The following TMPRSS9 variants were observed in gnomAD, a reference collection of about 807,000 sequenced individuals.
TMPRSS9 encodes the protein transmembrane serine protease 9, also known as transmembrane protease serine 9.
In TMPRSS9, 113 loss-of-function variants were observed where a neutral mutation model predicts 111.4. That is an observed-to-expected ratio of 1.01 (90% CI 0.87 to 1.19). The LOEUF is 1.19. TMPRSS9 is among the 50% of genes most tolerant of loss of function. The pLI is 0.00. For synonymous variants in TMPRSS9, 805 were observed against 659.1 expected, an observed-to-expected ratio of 1.22 and a Z score of -3.39; for missense variants, 1,803 against 1,513.1, an observed-to-expected ratio of 1.19 and a Z score of -3.18.
chr19:2,411,117 T>C (rs527900040), intron 9 of TMPRSS9, among the ~76,000 whole-genome samples: 33 of 151,664 alleles, frequency 2.2e-4, no homozygotes, highest in African/African-American at 7.0e-4. Context: ...CTGAGCAACA[T>C]GGCGAAACCT....
chr19:2,421,454 A>G (rs1971460992), intron 13 of TMPRSS9, among the ~76,000 whole-genome samples: 1 of 150,780 alleles, frequency 6.6e-6, no homozygotes, highest in African/African-American at 2.4e-5. Flanking sequence ...ACGCCCAGCT[A>G]ATTTTTGTAT....
chr19:2,401,872 T>C, intron 4 of TMPRSS9, 103 bp from the exon 6 acceptor site: 1 of 857,874 alleles, frequency 1.2e-6, no homozygotes, highest in African/African-American at 1.8e-5. Context: ...CCTCCCAAAG[T>C]GCTGGGATTA....
intron 2 of TMPRSS9, among the ~76,000 whole-genome samples, chr19:2,397,544 A>G (rs760505131): frequency 2.0e-5 from 3 of 152,114 alleles, no homozygotes; most frequent in Non-Finnish European, 2.9e-5. Context: ...AGCGAATTAT[A>G]TTTTAATGAA....
Position 2,419,769 on chromosome 19 carries a change from A to G in TMPRSS9, c.2154+1631A>G, listed in dbSNP as rs567956200. On this transcript the variant is annotated intron_variant, in intron 13 of 17. Transcript: ENST00000648592. ...TGACCTCAGGTGATCCGCCCGCCTC[A>G]GCCTCCCAAACTGCTAGGATGGCAG... Among the ~76,000 whole-genome samples the G allele has an allele frequency of 2.1e-3, 323 of 152,044 alleles. 1 individual carries two copies. Among genetic ancestry groups the G allele is most frequent in the African/African-American group, 7.5e-3 (312 of 41,474 alleles).
At chr19:2,380,412 A>G (rs1970377049) in intron 1 of TMPRSS9, among the ~76,000 whole-genome samples, 1 of 151,906 alleles carries the variant, frequency 6.6e-6, no homozygotes, top group Non-Finnish European at 1.5e-5. Flanking sequence ...CCTGGCCAAC[A>G]TGGCAAAACC....
At chr19:2,420,340 G>A (rs1002594738) in intron 13 of TMPRSS9, among the ~76,000 whole-genome samples, 4 of 151,558 alleles carry the variant, frequency 2.6e-5, no homozygotes, top group Admixed American at 2.6e-4. Flanking sequence ...TACTCCGGAG[G>A]CTGAGGCAGG....
At chr19:2,413,266 A>G (rs1373874349) in intron 9 of TMPRSS9, among the ~76,000 whole-genome samples, 1 of 152,136 alleles carries the variant, frequency 6.6e-6, no homozygotes, top group East Asian at 1.9e-4. Flanking sequence ...GGGAAGGTAA[A>G]AAATGGTGAG....
At chr19:2,361,750 G>A (rs77246800) in intron 1 of TMPRSS9, among the ~76,000 whole-genome samples, 20,623 of 152,224 alleles carry the variant, frequency 0.14, 1,679 homozygotes, top group African/African-American at 0.22. Flanking sequence ...ACCAGGCCTC[G>A]GACCCAGGCA....
At chr19:2,411,488 C>T (rs1222972564) in intron 9 of TMPRSS9, among the ~76,000 whole-genome samples, 1 of 147,950 alleles carries the variant, frequency 6.8e-6, no homozygotes, top group Non-Finnish European at 1.5e-5. Context: ...ACCTCCGCCT[C>T]CCAGGTTCAA....
At chr19:2,372,215 T>C (rs4807243) in intron 1 of TMPRSS9, among the ~76,000 whole-genome samples, 26,813 of 152,004 alleles carry the variant, frequency 0.18, 3,537 homozygotes, top group African/African-American at 0.36. Flanking sequence ...CCACGTCCAT[T>C]CTTCTCGAAG....
chr19:2,417,197 G>A (rs1292087094), intron 12 of TMPRSS9, among the ~76,000 whole-genome samples: 1 of 152,176 alleles, frequency 6.6e-6, no homozygotes, highest in Non-Finnish European at 1.5e-5. Flanking sequence ...CACATGTGGT[G>A]GCTCACACCT....
intron 11 of TMPRSS9, 46 bp from the exon 13 acceptor site, chr19:2,416,492 G>A: frequency 6.4e-7 from 1 of 1,570,016 alleles, no homozygotes; most frequent in East Asian, 2.2e-5. Flanking sequence ...CAAGAAGGCG[G>A]GCATGTGCTG....
upstream of TMPRSS9, among the ~76,000 whole-genome samples, chr19:2,385,203 A>AG (rs1180492986): frequency 5.3e-4 from 10 of 19,016 alleles, no homozygotes; most frequent in Non-Finnish European, 1.9e-3. Flanking sequence ...GCGGGGCTCG[A>AG]GGGGGCGGGG....
chr19:2,410,001 T>C (rs891084034), intron 8 of TMPRSS9, among the ~76,000 whole-genome samples: 1 of 151,640 alleles, frequency 6.6e-6, no homozygotes. Flanking sequence ...TGCTGAGGGG[T>C]GGAGCTTGCG....
intron 10 of TMPRSS9, 137 bp downstream of exon 11, chr19:2,414,155 A>G (rs1322385192): frequency 3.3e-6 from 3 of 913,706 alleles, no homozygotes; most frequent in African/African-American, 1.7e-5. Context: ...GTTTATTCCC[A>G]TCTTACGTTG....
exon 10 of TMPRSS9, chr19:2,414,003 G>C: frequency 1.3e-6 from 2 of 1,592,294 alleles, no homozygotes; most frequent in Non-Finnish European, 1.7e-6. Context: ...CTGGGTCACC[G>C]TTCCTAAGCT....
At chr19:2,403,854 G>A (rs1417062440) in intron 6 of TMPRSS9, among the ~76,000 whole-genome samples, 4 of 152,020 alleles carry the variant, frequency 2.6e-5, no homozygotes, top group East Asian at 1.9e-4. Context: ...TTAGCCGGGC[G>A]TGGTGGCGGG....
chr19:2,360,544 G>T (rs1003832185), intron 1 of TMPRSS9, among the ~76,000 whole-genome samples, 184 bp downstream of exon 1: 3 of 152,216 alleles, frequency 2.0e-5, no homozygotes, highest in Non-Finnish European at 2.9e-5. Context: ...GGCAGCCGGG[G>T]CTGTGTGGAC....
intron 13 of TMPRSS9, 91 bp from the exon 15 acceptor site, chr19:2,421,763 C>G: frequency 6.9e-7 from 1 of 1,441,832 alleles, no homozygotes; most frequent in Non-Finnish European, 9.3e-7. Context: ...CTCGATGGCT[C>G]CCACCCACTG....
Sources: allele counts gnomAD v4.1 joint callset (sites outside exome capture counted in the v4.1 genomes callset), GRCh38; gene constraint gnomAD v4.1.1; transcripts MANE v1.5; gene names NCBI Gene and HGNC (gene_info 2026-07-23, HGNC 2026-07-21).